Variants in PDE4C observed in about 807,000 individuals in gnomAD.
PDE4C encodes 3',5'-cyclic-AMP phosphodiesterase 4C.
In PDE4C, 50 loss-of-function variants were observed where a neutral mutation model predicts 63.9. The observed-to-expected ratio is 0.78, with a 90% CI of 0.62 to 0.99. The LOEUF (loss-of-function observed/expected upper bound fraction) is 0.99. Ranked by LOEUF, PDE4C falls within the 50% of genes least tolerant of loss-of-function variation. The pLI, the probability that PDE4C is intolerant of heterozygous loss-of-function variation, is 0.00. For missense variants in PDE4C, 777 were observed against 899.1 expected (o/e 0.86, Z 1.74); for synonymous variants, 377 against 385.1 (o/e 0.98, Z 0.25).
chr19:18,233,568 C>T (rs1490454250), exon 1 of PDE4C: 2 of 506,998 alleles, frequency 3.9e-6, no homozygotes, highest in South Asian at 3.1e-5. Context: ...AGAAATTGTC[C>T]ACTGATCGCT....
upstream of PDE4C, among the ~76,000 whole-genome samples, chr19:18,252,924 A>G (rs1228677704): frequency 6.6e-6 from 1 of 151,900 alleles, no homozygotes; most frequent in Non-Finnish European, 1.5e-5. Flanking sequence ...TTTTATTTTT[A>G]ATTAATTTAT....
intron 14 of PDE4C, among the ~76,000 whole-genome samples, 197 bp downstream of exon 14, chr19:18,211,562 C>T (rs1967941731): frequency 6.6e-6 from 1 of 152,196 alleles, no homozygotes; most frequent in Non-Finnish European, 1.5e-5. Flanking sequence ...ACAGATGTTT[C>T]CAAACCCCAG....
At chr19:18,227,037 A>G (rs139416389), upstream of PDE4C, among the ~76,000 whole-genome samples, 1 of 151,738 alleles carries the variant, frequency 6.6e-6, no homozygotes, top group Admixed American at 6.6e-5. Flanking sequence ...TGAGGGAGTC[A>G]GAAAGCAAGG....
chr19:18,231,591 C>G (rs1001228910), intron 1 of PDE4C, among the ~76,000 whole-genome samples: 17 of 152,130 alleles, frequency 1.1e-4, no homozygotes, highest in Admixed American at 3.9e-4. Flanking sequence ...AGTCAGAAGC[C>G]AGTGGCCCCT....
exon 15 of PDE4C, chr19:18,210,916 C>T (rs758823085): frequency 2.0e-5 from 32 of 1,583,026 alleles, no homozygotes; most frequent in Admixed American, 8.7e-5. Context: ...CTGCAGTTCA[C>T]GCAGGGCTGG....
At chr19:18,231,475 C>A (rs1968845895), upstream of PDE4C, among the ~76,000 whole-genome samples, 1 of 152,180 alleles carries the variant, frequency 6.6e-6, no homozygotes, top group Non-Finnish European at 1.5e-5. Context: ...CCTGGGTCAC[C>A]TGAGAACAGC....
In PDE4C at chr19:18,217,660, G is replaced by A. The variant is rs531494622; in HGVS notation, c.1234+489C>T. 3.3e-5 allele frequency among the ~76,000 whole-genome samples: 5 copies of A among 152,270 alleles called. No individual in the cohort carries two copies. The South Asian group carries it at 1.0e-3, about 32-fold the overall frequency. The stretch of plus-strand genomic sequence containing the variant: ...GCCTGTAATCCCAGCACTTTGGGAG[G>A]CTGAGGCAGACAGATCGCTTGAGGC... On this transcript the variant is annotated intron_variant, in intron 11 of 14. Coordinates refer to ENST00000262805, the Ensembl canonical transcript of PDE4C.
chr19:18,210,822 G>C, exon 15 of PDE4C: 1 of 1,495,218 alleles, frequency 6.7e-7, no homozygotes, highest in South Asian at 1.4e-5. Context: ...CTAAATGGGT[G>C]GGAAAGTGAA....
At chr19:18,212,375 G>T (rs1200277415) in intron 13 of PDE4C, among the ~76,000 whole-genome samples, 1 of 151,822 alleles carries the variant, frequency 6.6e-6, no homozygotes, top group East Asian at 1.9e-4. Context: ...TAGAGACGGG[G>T]TGTTGCCCAG....
intron 11 of PDE4C, among the ~76,000 whole-genome samples, chr19:18,217,734 G>A (rs1032108796): frequency 2.6e-5 from 4 of 151,808 alleles, no homozygotes; most frequent in Admixed American, 6.6e-5. Context: ...CTGTCTCTAC[G>A]AAAAATACAA....
chr19:18,238,350 C>T (rs1014353232), upstream of PDE4C, among the ~76,000 whole-genome samples: 2 of 151,672 alleles, frequency 1.3e-5, no homozygotes, highest in Non-Finnish European at 2.9e-5. Context: ...ATTCTCCTGC[C>T]TCAGCCTCCT....
the PDE4C span, among the ~76,000 whole-genome samples, chr19:18,253,563 A>AC: frequency 0.5 from 70,844 of 141,614 alleles, 17,962 homozygotes; most frequent in East Asian, 0.66. Flanking sequence ...AAAAAAAAAA[A>AC]ACACACACAC....
chr19:18,226,605 CT>C (rs34009293), upstream of PDE4C: 41,500 of 203,324 alleles, frequency 0.2, 1,653 homozygotes, highest in Non-Finnish European at 0.24. Context: ...CTCTCTGCTC[CT>C]TTTTTTTTTT....
upstream of PDE4C, among the ~76,000 whole-genome samples, chr19:18,249,613 GCC>G (rs1309342706): frequency 7.3e-6 from 1 of 137,904 alleles, no homozygotes; most frequent in Non-Finnish European, 1.5e-5. Flanking sequence ...TTGCTCTGTT[GCC>G]CAGGCTGGAG....
chr19:18,231,498 G>A (rs1308934487), intron 1 of PDE4C, among the ~76,000 whole-genome samples: 1 of 152,190 alleles, frequency 6.6e-6, no homozygotes, highest in African/African-American at 2.4e-5. Context: ...CAACCCCTCT[G>A]GGCTGTGGGA....
chr19:18,227,067 C>T (rs1968754564), upstream of PDE4C, among the ~76,000 whole-genome samples: 1 of 151,140 alleles, frequency 6.6e-6, no homozygotes, highest in Admixed American at 6.6e-5. Context: ...AAACAGCTGT[C>T]TTGCCTTCCA....
At chr19:18,233,501 G>A (rs776483195) in exon 1 of PDE4C, 11 of 633,168 alleles carry the variant, frequency 1.7e-5, no homozygotes, top group South Asian at 1.1e-4. Flanking sequence ...ACCGTCTGCC[G>A]TCCCCTATAG....
At chr19:18,229,921 C>T (rs1442811664), upstream of PDE4C, among the ~76,000 whole-genome samples, 2 of 152,124 alleles carry the variant, frequency 1.3e-5, no homozygotes, top group South Asian at 2.1e-4. Context: ...TCCAGTCTCT[C>T]CCCACTCCTC....
intron 1 of PDE4C, among the ~76,000 whole-genome samples, chr19:18,246,777 A>G (rs1969142132): frequency 6.6e-6 from 1 of 152,044 alleles, no homozygotes; most frequent in African/African-American, 2.4e-5. Flanking sequence ...AAATACAAAA[A>G]TCAGCCGGGC....
Sources: gnomAD v4.1 joint callset for allele counts (sites outside exome capture counted in the v4.1 genomes callset) on GRCh38, gnomAD v4.1.1 for gene constraint, MANE v1.5 for transcripts, NCBI Gene and HGNC (gene_info 2026-07-23, HGNC 2026-07-21) for gene names.